Variants in PCDHGA9 observed in about 807,000 individuals in gnomAD.
PCDHGA9 encodes the protein protocadherin gamma subfamily A, 9, also known as protocadherin gamma-A9.
Under a neutral mutation model 62.5 loss-of-function variants are expected in PCDHGA9, and 37 were observed. The observed-to-expected ratio is 0.59, with a 90% CI of 0.46 to 0.78. PCDHGA9 has a LOEUF of 0.78. Among genes scored for constraint, PCDHGA9 ranks in the 30% least tolerant of loss-of-function variants. PCDHGA9 has a pLI of 0.00. For missense variants in PCDHGA9, 1,138 were observed against 1,166.2 expected (o/e 0.98, Z 0.35); for synonymous variants, 459 against 484.6 (o/e 0.95, Z 0.69).
At chr5:141,473,229 T>G (rs891825934) in intron 1 of PCDHGA9, among the ~76,000 whole-genome samples, 8 of 152,160 alleles carry the variant, frequency 5.3e-5, no homozygotes, top group Admixed American at 1.3e-4. Context: ...GGAGATTGGA[T>G]CCACACAAGT....
At position 141,485,286 on chromosome 5, in the gene PCDHGA9, A is replaced by G; in HGVS notation, c.2425-9521A>G. The G allele has an allele frequency of 2.5e-6, 4 of 1,614,044 alleles. No individual in the cohort carries two copies. On this transcript the variant is annotated intron_variant, in intron 1 of 3. Transcript: ENST00000573521. This position sits in a 1 kb window ranked among gnomAD's most constrained non-coding sequence, Gnocchi z 5.7. ...CAGATCCGCTACCCGGTCCCAGAGG[A>G]GTCACAGGAAGGGACTTTTGTAGGG...
intron 1 of PCDHGA9, among the ~76,000 whole-genome samples, chr5:141,407,447 G>A (rs1347838571): frequency 3.9e-5 from 6 of 152,260 alleles, no homozygotes; most frequent in African/African-American, 2.4e-5. Context: ...ACCAGAACAC[G>A]AGGCTCACCA....
intron 1 of PCDHGA9, among the ~76,000 whole-genome samples, chr5:141,453,047 G>A (rs930795400): frequency 1.3e-5 from 2 of 152,172 alleles, no homozygotes; most frequent in African/African-American, 4.8e-5. Context: ...TTTCTATTAT[G>A]TGCAGTTTTA....
chr5:141,423,804 T>C (rs571396807), intron 1 of PCDHGA9: 50 of 1,240,508 alleles, frequency 4.0e-5, no homozygotes, highest in African/African-American at 2.7e-4. Flanking sequence ...GAGCAATACA[T>C]GTGAGTTTTA....
intron 1 of PCDHGA9, chr5:141,419,506 C>A (rs527369615): frequency 6.2e-6 from 10 of 1,612,352 alleles, no homozygotes; most frequent in Middle Eastern, 1.7e-4. Context: ...TGAGCCTGCG[C>A]GTGTTGGTGG....
In PCDHGA9 at chr5:141,485,126, G is replaced by C; in HGVS notation, c.2425-9681G>C. ...TGCTGTGGCTGTTTGGGGCGGGTCG[G>C]CTTCATCCGCGTCTCAGGAGCAAGT... On this transcript the variant is annotated intron_variant, in intron 1 of 3. Transcript: ENST00000573521. The surrounding 1 kb of genome is among the most constrained non-coding windows in gnomAD (Gnocchi z 5.7). 1.4e-6 allele frequency: 2 copies of C among 1,432,378 alleles called. No homozygotes were observed. The highest frequency in any genetic ancestry group is 2.4e-5 in the South Asian group (2 of 81,724). 88.7% of individuals were successfully genotyped at this position (1,432,378 alleles called of 1,614,324 possible). A position where few individuals can be genotyped will look rare whatever the true frequency, so the allele number is the denominator to read the frequency against.
chr5:141,456,746 T>C (rs548254725), intron 1 of PCDHGA9, among the ~76,000 whole-genome samples: 51 of 151,874 alleles, frequency 3.4e-4, no homozygotes, highest in African/African-American at 1.0e-3. Context: ...GGGAGCATCA[T>C]GAGGTCAGGA....
At chr5:141,452,354 G>C (rs2154563893) in intron 1 of PCDHGA9, among the ~76,000 whole-genome samples, 1 of 152,240 alleles carries the variant, frequency 6.6e-6, no homozygotes, top group Non-Finnish European at 1.5e-5. Flanking sequence ...TTATCCAAAA[G>C]CCTTGCTTCA....
At position 141,491,735 on chromosome 5, in the gene PCDHGA9, G is replaced by C. The variant is rs765837152; in HGVS notation, c.2425-3072G>C. ...TCGGCGCCGCCCCGGGCGACCCCTG[G>C]GGGCGGCACTGGAGAAGCCGCCCGT... On this transcript the variant is annotated intron_variant, in intron 1 of 3. Coordinates refer to ENST00000573521, the MANE Select transcript of PCDHGA9 (RefSeq NM_018921.3). The surrounding 1 kb of genome is among the most constrained non-coding windows in gnomAD (Gnocchi z 6.9). 2.5e-6 allele frequency: 4 copies of C among 1,601,968 alleles called. No homozygotes were observed. In the South Asian group the frequency reaches 4.4e-5, roughly 18 times the overall value.
intron 1 of PCDHGA9, among the ~76,000 whole-genome samples, chr5:141,444,225 G>A (rs1307884592): frequency 8.0e-6 from 1 of 125,604 alleles, no homozygotes; most frequent in African/African-American, 3.1e-5. Context: ...AGGCTGGAGT[G>A]CAATGGCATG....
chr5:141,423,759 G>GGC, intron 1 of PCDHGA9: 9 of 321,042 alleles, frequency 2.8e-5, no homozygotes, highest in Non-Finnish European at 3.6e-5. Context: ...TTGGGGGGGG[G>GGC]GTGGGGCGGC....
chr5:141,461,027 C>G (rs993151622), intron 1 of PCDHGA9, among the ~76,000 whole-genome samples: 2 of 150,168 alleles, frequency 1.3e-5, no homozygotes, highest in Non-Finnish European at 3.0e-5. Flanking sequence ...TTTTCTTTAT[C>G]CACTCATTAG....
chr5:141,498,786 A>T (rs2099785591), intron 2 of PCDHGA9, among the ~76,000 whole-genome samples: 1 of 152,050 alleles, frequency 6.6e-6, no homozygotes, highest in East Asian at 1.9e-4. Context: ...ACAAAATATT[A>T]GCCAGGTGTG....
In PCDHGA9 at chr5:141,491,667, G is replaced by C. The variant is rs746903142; in HGVS notation, c.2425-3140G>C. The C allele has an allele frequency of 3.7e-6, 6 of 1,613,678 alleles. No individual in the cohort carries two copies. The South Asian group carries it at 6.6e-5, about 18-fold the overall frequency. On this transcript the variant is annotated intron_variant, in intron 1 of 3. Transcript: ENST00000573521. This position sits in a 1 kb window ranked among gnomAD's most constrained non-coding sequence, Gnocchi z 6.9. Reference sequence around the variant, plus strand: ...TGGCGCTGGAGCCTGACGCCATCCGGTCCCGCTCTAATACGCTGCGGGAGC... The same window carrying C: ...TGGCGCTGGAGCCTGACGCCATCCGCTCCCGCTCTAATACGCTGCGGGAGC...
At chr5:141,445,339 A>G (rs1450773291) in intron 1 of PCDHGA9, among the ~76,000 whole-genome samples, 1 of 152,152 alleles carries the variant, frequency 6.6e-6, no homozygotes, top group Non-Finnish European at 1.5e-5. Context: ...GAAACAGTAA[A>G]CATTGGTGTC....
rs550977374 is a variant in PCDHGA9, at chr5:141,447,118, G to A, written c.2424+41742G>A. 9.2e-5 allele frequency among the ~76,000 whole-genome samples: 14 copies of A among 151,984 alleles called. No individual in the cohort carries two copies. The East Asian group carries it at 2.7e-3, about 29-fold the overall frequency. ...TTCACATGATTATATGTGCTCCATGGATTTTTTTGTTTGTTTGTTTTTTGT... is the reference window on the plus strand; with the variant it reads ...TTCACATGATTATATGTGCTCCATGAATTTTTTTGTTTGTTTGTTTTTTGT... On this transcript the variant is annotated intron_variant, in intron 1 of 3. Transcript: ENST00000573521.
intron 1 of PCDHGA9, chr5:141,420,214 C>T: frequency 6.2e-7 from 1 of 1,611,064 alleles, no homozygotes; most frequent in Non-Finnish European, 8.5e-7. Context: ...ACAAAGATAG[C>T]ATGCTACTGG....
intron 1 of PCDHGA9, among the ~76,000 whole-genome samples, chr5:141,463,302 A>T (rs2099056422): frequency 6.6e-6 from 1 of 151,090 alleles, no homozygotes; most frequent in Non-Finnish European, 1.5e-5. Context: ...ATCTCCCCAA[A>T]CTCTAATATC....
At position 141,432,660 on chromosome 5, in the gene PCDHGA9, A is replaced by G; in HGVS notation, c.2424+27284A>G. The G allele has an allele frequency of 6.2e-7, 1 of 1,613,768 alleles. No individual in the cohort carries two copies. Among genetic ancestry groups the G allele is most frequent in the African/African-American group, 1.3e-5 (1 of 75,026 alleles). ...GTGCGCACGGCGCGAGCCCTGCTGG[A>G]CAGAGACGCGCTCAAGCAGAGCCTC... On this transcript the variant is annotated intron_variant, in intron 1 of 3. Coordinates refer to ENST00000573521, the MANE Select transcript of PCDHGA9 (RefSeq NM_018921.3). The surrounding 1 kb of genome is among the most constrained non-coding windows in gnomAD (Gnocchi z 6.0).
Sources: allele counts gnomAD v4.1 joint callset (sites outside exome capture counted in the v4.1 genomes callset), GRCh38; gene constraint gnomAD v4.1.1; non-coding constraint Gnocchi (gnomAD v3.1); transcripts MANE v1.5; gene names NCBI Gene and HGNC (gene_info 2026-07-23, HGNC 2026-07-21).